PBX3: variants seen among roughly 807,000 people sequenced by gnomAD.
PBX3 encodes pre-B-cell leukemia transcription factor 3.
PBX3 carries 14 observed loss-of-function variants against 48.5 expected under a neutral mutation model. The ratio of observed to expected loss-of-function variants is 0.29; its 90% CI spans 0.19 to 0.45. The LOEUF (loss-of-function observed/expected upper bound fraction) is 0.45, where lower values mean the gene tolerates loss of function less well. Ranked by LOEUF, PBX3 falls within the 20% of genes least tolerant of loss-of-function variation. The pLI is 1.00. For synonymous variants in PBX3, 210 were observed against 200.3 expected, an observed-to-expected ratio of 1.05 and a Z score of -0.41; for missense variants, 386 against 546.7, an observed-to-expected ratio of 0.71 and a Z score of 2.93.
intron 4 of PBX3, 62 bp downstream of exon 4, chr9:125,929,907 T>C: frequency 7.6e-7 from 1 of 1,313,350 alleles, no homozygotes; most frequent in Non-Finnish European, 1.1e-6. Context: ...TGTGTATTAT[T>C]TTCTGTAAAA....
chr9:125,860,129 G>A (rs1281929148), intron 2 of PBX3, among the ~76,000 whole-genome samples: 1 of 152,130 alleles, frequency 6.6e-6, no homozygotes, highest in African/African-American at 2.4e-5. Flanking sequence ...ATGTGGCTCC[G>A]CTCATTGTAG....
intron 2 of PBX3, among the ~76,000 whole-genome samples, chr9:125,836,831 C>T (rs1185148861): frequency 6.6e-6 from 1 of 151,930 alleles, no homozygotes; most frequent in East Asian, 1.9e-4. Context: ...GTAAAACTTC[C>T]CTGAGCTACT....
chr9:125,897,428 A>C (rs1840800850), intron 2 of PBX3, among the ~76,000 whole-genome samples: 1 of 151,826 alleles, frequency 6.6e-6, no homozygotes, highest in African/African-American at 2.4e-5. Flanking sequence ...TACATTTTGG[A>C]TTGGCAAATG....
intron 5 of PBX3, among the ~76,000 whole-genome samples, chr9:125,956,494 C>T (rs567709956): frequency 5.9e-5 from 9 of 152,166 alleles, no homozygotes; most frequent in South Asian, 2.1e-4. Context: ...GGGAAATACA[C>T]GGTTGTAGTG....
chr9:125,840,066 A>C (rs546208668), intron 2 of PBX3, among the ~76,000 whole-genome samples: 13 of 152,130 alleles, frequency 8.5e-5, no homozygotes, highest in Non-Finnish European at 1.6e-4. Context: ...AGAGATTTTT[A>C]AAAATGTTTT....
intron 2 of PBX3, among the ~76,000 whole-genome samples, chr9:125,793,366 A>AATATATATATATATATAT (rs1554855765): frequency 2.6e-4 from 26 of 101,932 alleles, no homozygotes; most frequent in African/African-American, 1.0e-3. Flanking sequence ...GGAAAAAAAA[A>AATATATATATATATATAT]ATATATATAT....
intron 5 of PBX3, among the ~76,000 whole-genome samples, chr9:125,947,177 G>T (rs1380987871): frequency 6.6e-6 from 1 of 152,150 alleles, no homozygotes; most frequent in Admixed American, 6.5e-5. Context: ...TACAAAAAAT[G>T]TGTTTTCAGA....
At chr9:125,915,566 G>T in intron 2 of PBX3, 120 bp from the exon 3 acceptor site, 1 of 696,212 alleles carries the variant, frequency 1.4e-6, no homozygotes. Context: ...GAAGTTCTCA[G>T]CATGAATTGT....
intron 2 of PBX3, among the ~76,000 whole-genome samples, chr9:125,812,750 A>G (rs1838330056): frequency 6.6e-6 from 1 of 152,252 alleles, no homozygotes; most frequent in Non-Finnish European, 1.5e-5. Flanking sequence ...CTGTACACCT[A>G]GGCTATATGG....
chr9:125,802,926 G>A (rs919616935), intron 2 of PBX3, among the ~76,000 whole-genome samples: 5 of 152,000 alleles, frequency 3.3e-5, no homozygotes, highest in Non-Finnish European at 7.4e-5. Flanking sequence ...TGATCTGCCC[G>A]CCTCGGCCTC....
chr9:125,959,889 T>C (rs923371562), intron 5 of PBX3, among the ~76,000 whole-genome samples: 2 of 152,236 alleles, frequency 1.3e-5, no homozygotes, highest in Non-Finnish European at 2.9e-5. Context: ...GGTGCCTGAA[T>C]ACATTGTAAC....
chr9:125,801,817 A>C (rs1564662544), intron 2 of PBX3, among the ~76,000 whole-genome samples: 1 of 151,988 alleles, frequency 6.6e-6, no homozygotes, highest in Non-Finnish European at 1.5e-5. Flanking sequence ...ACACACACAC[A>C]CACACACATA....
chr9:125,916,015 G>A, intron 3 of PBX3, 88 bp downstream of exon 3: 3 of 1,519,602 alleles, frequency 2.0e-6, no homozygotes, highest in Non-Finnish European at 2.6e-6. Context: ...GGCTGTGAGG[G>A]GTAGGTGTTA....
At chr9:125,853,928 A>G (rs977277577) in intron 2 of PBX3, among the ~76,000 whole-genome samples, 5 of 152,120 alleles carry the variant, frequency 3.3e-5, no homozygotes, top group Non-Finnish European at 7.4e-5. Context: ...TAATAAATGG[A>G]CACTGACATG....
chr9:125,773,504 C>T (rs564792357), intron 2 of PBX3, among the ~76,000 whole-genome samples: 6 of 152,218 alleles, frequency 3.9e-5, no homozygotes, highest in African/African-American at 1.2e-4. Context: ...CTGTTGCCTC[C>T]AGGAAATTGT....
chr9:125,950,432 A>G (rs1842169325), intron 5 of PBX3, among the ~76,000 whole-genome samples: 1 of 150,908 alleles, frequency 6.6e-6, no homozygotes, highest in African/African-American at 2.4e-5. Flanking sequence ...TAAAAGTGGG[A>G]TGTTTTCCAA....
intron 2 of PBX3, among the ~76,000 whole-genome samples, chr9:125,847,591 A>G (rs1839459757): frequency 6.6e-6 from 1 of 152,052 alleles, no homozygotes. Context: ...GGACAAAAAT[A>G]CTGAAAGAAT....
At chr9:125,780,037 G>A (rs1226462473) in intron 2 of PBX3, among the ~76,000 whole-genome samples, 8 of 137,302 alleles carry the variant, frequency 5.8e-5, no homozygotes, top group African/African-American at 8.3e-5. Flanking sequence ...CTCACCTCCC[G>A]GACGGGGCGG....
At chr9:125,941,609 G>T (rs919957090) in intron 5 of PBX3, among the ~76,000 whole-genome samples, 2 of 152,166 alleles carry the variant, frequency 1.3e-5, no homozygotes, top group African/African-American at 4.8e-5. Flanking sequence ...GTGAGAAAGA[G>T]ATTTGCTAAA....
Sources: gnomAD v4.1 joint callset for allele counts (sites outside exome capture counted in the v4.1 genomes callset) on GRCh38, gnomAD v4.1.1 for gene constraint, MANE v1.5 for transcripts, NCBI Gene and HGNC (gene_info 2026-07-23, HGNC 2026-07-21) for gene names.